WDR7: variants seen among roughly 807,000 people sequenced by gnomAD.
WDR7 encodes the protein WD repeat-containing protein 7.
A neutral mutation model predicts 169.4 loss-of-function variants in WDR7; 46 were observed. That is an observed-to-expected ratio of 0.27 (90% CI 0.21 to 0.35). WDR7 has a LOEUF of 0.35. WDR7 is among the 10% of genes least tolerant of loss of function. WDR7 has a pLI of 1.00. For missense variants in WDR7, 1,534 were observed against 1,859.3 expected, an observed-to-expected ratio of 0.83 and a Z score of 3.22; for synonymous variants, 612 against 666.8, an observed-to-expected ratio of 0.92 and a Z score of 1.27.
Position 56,938,624 on chromosome 18 carries a change from G to A in WDR7, c.3923G>A (p.Arg1308Lys), listed in dbSNP as rs2046991816. 6.2e-7 allele frequency: 1 copy of A among 1,613,366 alleles called. No homozygotes were observed. ...TLARAKGEIL[R>K]VIEILIEKMP... ...GCACGAGCTAAAGGGGAAATTTTGAGAGTCATTGAAATTCTTATTGAAAAG... is the reference window on the plus strand; with the variant it reads ...GCACGAGCTAAAGGGGAAATTTTGAAAGTCATTGAAATTCTTATTGAAAAG... The change falls in exon 24 of 28, where the codon AGA becomes AAA. Residue 1308 changes from arginine to lysine, a missense_variant. Arg to Lys is a conservative substitution (Grantham distance 26). Transcript: ENST00000254442.
chr18:56,693,896 G>T (rs904321087), intron 9 of WDR7, among the ~76,000 whole-genome samples: 2 of 151,916 alleles, frequency 1.3e-5, no homozygotes, highest in African/African-American at 4.8e-5. Flanking sequence ...TTGAGGCAAG[G>T]TCTTGCTGTG....
chr18:56,961,893 A>C (rs1476529110), intron 25 of WDR7, among the ~76,000 whole-genome samples: 4 of 152,168 alleles, frequency 2.6e-5, no homozygotes, highest in Non-Finnish European at 5.9e-5. Context: ...ATTTTATTCT[A>C]AACTACTGAT....
intron 21 of WDR7, among the ~76,000 whole-genome samples, chr18:56,916,449 A>T (rs2046627022): frequency 6.6e-6 from 1 of 152,152 alleles, no homozygotes; most frequent in Non-Finnish European, 1.5e-5. Context: ...ACATGAACTC[A>T]TCCTTTTTTA....
At chr18:56,888,755 T>A (rs1431130624) in intron 21 of WDR7, among the ~76,000 whole-genome samples, 1 of 152,242 alleles carries the variant, frequency 6.6e-6, no homozygotes, top group Non-Finnish European at 1.5e-5. Context: ...CATTTTGCTC[T>A]CTCATTAGCT....
chr18:56,800,376 T>C lies in WDR7; in HGVS notation c.3191-15655T>C, dbSNP rs554513797. 7.2e-5 allele frequency among the ~76,000 whole-genome samples: 11 copies of C among 152,338 alleles called. 1 individual carries two copies. Among genetic ancestry groups the C allele is most frequent in the Middle Eastern group, 6.8e-3 (2 of 294 alleles). ...TCTTCACCAGTTTGATCCCACTTTGTCATGTTTCCAGGCTGAACTCAATAT... is the reference window on the plus strand; with the variant it reads ...TCTTCACCAGTTTGATCCCACTTTGCCATGTTTCCAGGCTGAACTCAATAT... On this transcript the variant is annotated intron_variant, in intron 19 of 27. Coordinates refer to ENST00000254442, the MANE Select transcript of WDR7 (RefSeq NM_015285.3).
chr18:56,718,035 A>G lies in WDR7; in HGVS notation c.1650A>G (p.Lys550=), dbSNP rs1476540146. ...HSVGLLSLRE[K]KCIMLASRHL... ...TAGGACTTCTAAGTTTGCGAGAGAA[A>G]AAATGCATAATGTTGGCATCTCGTC... is the stretch of plus-strand genomic sequence containing the variant. The change falls in exon 13 of 28, where the codon AAA becomes AAG. Residue 550 remains lysine, a synonymous_variant. Coordinates refer to ENST00000254442, the MANE Select transcript of WDR7 (RefSeq NM_015285.3). 13 of 1,614,048 alleles carry G rather than the reference A, an allele frequency of 8.1e-6. No homozygotes were observed. Among genetic ancestry groups the G allele is most frequent in the South Asian group, 5.5e-5 (5 of 91,090 alleles).
chr18:56,908,139 T>C (rs1009640826), intron 21 of WDR7, among the ~76,000 whole-genome samples: 1 of 152,204 alleles, frequency 6.6e-6, no homozygotes, highest in Admixed American at 6.5e-5. Context: ...TAGAACAGAA[T>C]TGATCTTGCT....
intron 22 of WDR7, among the ~76,000 whole-genome samples, chr18:56,928,679 C>T (rs959580634): frequency 2.0e-5 from 3 of 152,152 alleles, no homozygotes; most frequent in Non-Finnish European, 4.4e-5. Flanking sequence ...TACCTATGAG[C>T]TTCTGTGCTA....
At chr18:56,839,960 G>A (rs772913379) in intron 20 of WDR7, among the ~76,000 whole-genome samples, 1 of 152,180 alleles carries the variant, frequency 6.6e-6, no homozygotes, top group Non-Finnish European at 1.5e-5. Context: ...TACTCGGGAG[G>A]CTGAGGCAGG....
Position 56,773,545 on chromosome 18 carries a change from A to T in WDR7, c.2849-3237A>T, listed in dbSNP as rs372126526. ...CATTCATAGCAAAGTTAGTGCATTA[A>T]TTATGGCAATTGCATGAAGCATTGG... On this transcript the variant is annotated intron_variant, in intron 16 of 27. Transcript: ENST00000254442. Among the ~76,000 whole-genome samples the T allele has an allele frequency of 9.4e-4, 143 of 152,234 alleles. 1 individual carries two copies. Among genetic ancestry groups the T allele is most frequent in the African/African-American group, 3.3e-3 (139 of 41,574 alleles).
intron 20 of WDR7, among the ~76,000 whole-genome samples, chr18:56,864,966 A>G (rs927171756): frequency 3.3e-5 from 5 of 152,018 alleles, no homozygotes; most frequent in African/African-American, 7.2e-5. Flanking sequence ...AGGTTATGCC[A>G]TGTTATCCAA....
chr18:56,740,490 A>T (rs984732429), intron 14 of WDR7, among the ~76,000 whole-genome samples: 18 of 152,282 alleles, frequency 1.2e-4, no homozygotes, highest in African/African-American at 3.4e-4. Flanking sequence ...AGGTAAAAAA[A>T]GTAGCTTGTT....
intron 26 of WDR7, among the ~76,000 whole-genome samples, chr18:57,012,081 G>C (rs79433875): frequency 0.038 from 5,711 of 152,208 alleles, 129 homozygotes; most frequent in Non-Finnish European, 0.053. Context: ...AACCTGGCCT[G>C]GGTATCTGGG....
chr18:56,684,819 C>T (rs1434859672), intron 5 of WDR7, among the ~76,000 whole-genome samples: 4 of 152,174 alleles, frequency 2.6e-5, no homozygotes, highest in African/African-American at 9.7e-5. Flanking sequence ...TAATGTGAAC[C>T]TTCTCAGAGA....
chr18:56,743,441 GGA>G (rs561521365), intron 14 of WDR7, among the ~76,000 whole-genome samples: 43 of 152,266 alleles, frequency 2.8e-4, no homozygotes, highest in African/African-American at 9.6e-4. Context: ...AGGCATGTGA[GGA>G]GAGCCAGGAG....
intron 26 of WDR7, 118 bp downstream of exon 26, chr18:56,962,647 A>C (rs1215750705): frequency 2.3e-6 from 2 of 861,222 alleles, no homozygotes; most frequent in Non-Finnish European, 3.7e-6. Flanking sequence ...ATAATGCTAA[A>C]GGGATCAATA....
Position 56,672,602 on chromosome 18 carries a change from T to C in WDR7, c.87T>C (p.Asp29=). 1 of 1,613,606 alleles carries C rather than the reference T, an allele frequency of 6.2e-7. No homozygotes were observed. The highest frequency in any genetic ancestry group is 8.5e-7 in the Non-Finnish European group (1 of 1,179,734). The change falls in exon 2 of 28, where the codon GAT becomes GAC. Residue 29 remains aspartate, a synonymous_variant. Coordinates refer to ENST00000254442, the MANE Select transcript of WDR7 (RefSeq NM_015285.3). ...THCISAVLLT[D]DGATIVTGCH... ...GCATCTCAGCCGTACTTTTAACAGA[T>C]GATGGGGCCACGATCGTAACAGGAT... is the stretch of plus-strand genomic sequence containing the variant.
intron 26 of WDR7, among the ~76,000 whole-genome samples, chr18:56,976,801 A>G (rs1039611947): frequency 3.3e-5 from 5 of 152,246 alleles, no homozygotes; most frequent in Admixed American, 6.5e-5. Flanking sequence ...TGGAACTATC[A>G]TGATTGACTG....
chr18:56,743,182 C>T (rs994003222), intron 14 of WDR7, among the ~76,000 whole-genome samples: 1 of 152,026 alleles, frequency 6.6e-6, no homozygotes, highest in Non-Finnish European at 1.5e-5. Flanking sequence ...AATGTAAAAG[C>T]AGGTTTTGTC....
Sources: gnomAD v4.1 joint callset for allele counts (sites outside exome capture counted in the v4.1 genomes callset) on GRCh38, gnomAD v4.1.1 for gene constraint, MANE v1.5 for transcripts, NCBI Gene and HGNC (gene_info 2026-07-23, HGNC 2026-07-21) for gene names.